SYT1: variants seen among roughly 807,000 people sequenced by gnomAD.
SYT1 encodes the protein synaptotagmin-1.
Under a neutral mutation model 44.8 loss-of-function variants are expected in SYT1, and 8 were observed. The ratio of observed to expected loss-of-function variants is 0.18; its 90% CI spans 0.10 to 0.32. The LOEUF (loss-of-function observed/expected upper bound fraction) is 0.32, where lower values mean the gene tolerates loss of function less well. Ranked by LOEUF, SYT1 falls within the 10% of genes least tolerant of loss-of-function variation. SYT1 has a pLI of 1.00. For missense variants in SYT1, 286 were observed against 509.3 expected (o/e 0.56, Z 4.22); for synonymous variants, 154 against 188.8 (o/e 0.82, Z 1.51).
intron 3 of SYT1, among the ~76,000 whole-genome samples, chr12:79,147,235 A>G (rs1430431512): frequency 1.3e-5 from 2 of 152,026 alleles, no homozygotes; most frequent in East Asian, 1.9e-4. Context: ...TAAGCTGTCT[A>G]CTCTTCATAT....
At chr12:78,984,575 A>AT in intron 2 of SYT1, among the ~76,000 whole-genome samples, 1 of 152,138 alleles carries the variant, frequency 6.6e-6, no homozygotes, top group South Asian at 2.1e-4. Context: ...CTATTTACAA[A>AT]TAAAAATTAC....
At chr12:79,084,725 ATAC>A (rs79679178) in intron 3 of SYT1, among the ~76,000 whole-genome samples, 1 of 152,196 alleles carries the variant, frequency 6.6e-6, no homozygotes, top group Non-Finnish European at 1.5e-5. Context: ...TATCAATTAT[ATAC>A]TACAAGTAAA....
rs111598542 is a variant in SYT1, at chr12:78,866,887, G to A, written c.-217+1778G>A. ...CAGAGAGTATTTTTTCACTACGTAC[G>A]TTTAATATATAAGTTTACACACCAA... On this transcript the variant is annotated intron_variant, in intron 1 of 10. Coordinates refer to ENST00000261205, the MANE Select transcript of SYT1 (RefSeq NM_005639.3). Among the ~76,000 whole-genome samples the A allele has an allele frequency of 2.6e-3, 390 of 152,046 alleles. 2 individuals carry two copies. The highest frequency in any genetic ancestry group is 4.1e-3 in the Non-Finnish European group (277 of 67,966).
chr12:79,000,453 C>T (rs921778190), intron 2 of SYT1, among the ~76,000 whole-genome samples: 2 of 151,964 alleles, frequency 1.3e-5, no homozygotes, highest in Non-Finnish European at 2.9e-5. Context: ...GCATGTGCCA[C>T]CACACCCAGA....
At chr12:79,179,345 T>TATCTATATC (rs1565841872) in intron 3 of SYT1, among the ~76,000 whole-genome samples, 24 of 60,342 alleles carry the variant, frequency 4.0e-4, no homozygotes, top group Non-Finnish European at 6.8e-4. Flanking sequence ...TATATCGATA[T>TATCTATATC]GTCTATATCG....
chr12:79,070,965 A>T (rs1876233514), intron 3 of SYT1, among the ~76,000 whole-genome samples: 1 of 152,152 alleles, frequency 6.6e-6, no homozygotes, highest in African/African-American at 2.4e-5. Context: ...AGTAGTAAAA[A>T]ATAGTCTACG....
chr12:78,981,125 G>GTTT (rs1171068435), intron 2 of SYT1, among the ~76,000 whole-genome samples: 17 of 122,684 alleles, frequency 1.4e-4, no homozygotes, highest in East Asian at 4.5e-4. Context: ...TTGTTTCTTT[G>GTTT]TTTTTTTTTT....
At chr12:79,180,721 G>A (rs1462114379) in intron 3 of SYT1, among the ~76,000 whole-genome samples, 1 of 151,986 alleles carries the variant, frequency 6.6e-6, no homozygotes. Flanking sequence ...CATGAGGACA[G>A]TATCAAGAGA....
chr12:78,986,318 G>A (rs1869638335), intron 2 of SYT1, among the ~76,000 whole-genome samples: 1 of 151,766 alleles, frequency 6.6e-6, no homozygotes, highest in South Asian at 2.1e-4. Context: ...GATCTCTGAT[G>A]CCTTAGAACA....
intron 3 of SYT1, among the ~76,000 whole-genome samples, chr12:79,107,973 A>G (rs1429371300): frequency 6.6e-6 from 1 of 152,054 alleles, no homozygotes; most frequent in Non-Finnish European, 1.5e-5. Context: ...TATAAATTCT[A>G]AATTTAGAGA....
intron 3 of SYT1, among the ~76,000 whole-genome samples, chr12:79,149,520 T>C (rs774370013): frequency 1.8e-4 from 28 of 152,186 alleles, no homozygotes; most frequent in Non-Finnish European, 3.8e-4. Flanking sequence ...CATAAAATAG[T>C]TTCCTAAATA....
At chr12:78,952,716 A>T (rs1463629261) in intron 1 of SYT1, among the ~76,000 whole-genome samples, 2 of 152,120 alleles carry the variant, frequency 1.3e-5, no homozygotes, top group Non-Finnish European at 2.9e-5. Context: ...GAGTGGCTTT[A>T]TGACCACTAT....
At chr12:79,334,374 G>A (rs1020236545) in intron 8 of SYT1, among the ~76,000 whole-genome samples, 3 of 152,232 alleles carry the variant, frequency 2.0e-5, no homozygotes, top group Non-Finnish European at 4.4e-5. Flanking sequence ...AGATATTTAC[G>A]GCACAATATT....
intron 9 of SYT1, among the ~76,000 whole-genome samples, chr12:79,410,053 G>T (rs1391366372): frequency 6.6e-6 from 1 of 151,968 alleles, no homozygotes; most frequent in African/African-American, 2.4e-5. Flanking sequence ...ATTTTGAAAT[G>T]CTGAGTGTGT....
chr12:79,447,915 C>T (rs1269591537), intron 10 of SYT1, among the ~76,000 whole-genome samples: 1 of 152,118 alleles, frequency 6.6e-6, no homozygotes, highest in Non-Finnish European at 1.5e-5. Context: ...CTTAATCTGG[C>T]CCTAGCTTTT....
At chr12:79,359,745 G>A (rs1883247066) in intron 9 of SYT1, among the ~76,000 whole-genome samples, 1 of 151,954 alleles carries the variant, frequency 6.6e-6, no homozygotes, top group South Asian at 2.1e-4. Flanking sequence ...GTTAATCATG[G>A]GTTTGTCTTT....
chr12:79,263,990 TTTGA>T (rs1237756868), intron 4 of SYT1, among the ~76,000 whole-genome samples: 1 of 152,128 alleles, frequency 6.6e-6, no homozygotes, highest in Non-Finnish European at 1.5e-5. Context: ...TTCTATTGTC[TTTGA>T]TTGATTTGAA....
rs370811829 is a variant in SYT1, at chr12:79,065,309, G to A, written c.-18+17947G>A. On this transcript the variant is annotated intron_variant, in intron 3 of 10. Transcript: ENST00000261205. The stretch of plus-strand genomic sequence containing the variant: ...TGAAGTGGGAGGGTCGCTTGAGTCC[G>A]GGAGGTGAAGGATATAGGCTGCAGT... Among the ~76,000 whole-genome samples the A allele has an allele frequency of 1.2e-4, 18 of 152,254 alleles. No individual in the cohort carries two copies. In the East Asian group the frequency reaches 1.5e-3, roughly 13 times the overall value.
chr12:78,928,824 T>G (rs899782452), intron 1 of SYT1, among the ~76,000 whole-genome samples: 2 of 152,166 alleles, frequency 1.3e-5, no homozygotes, highest in South Asian at 4.1e-4. Flanking sequence ...CCAAAATTTT[T>G]TATTTAATAT....
Sources: allele counts gnomAD v4.1 joint callset (sites outside exome capture counted in the v4.1 genomes callset), GRCh38; gene constraint gnomAD v4.1.1; transcripts MANE v1.5; gene names NCBI Gene and HGNC (gene_info 2026-07-23, HGNC 2026-07-21).